Variants in SPAG16 observed in about 807,000 individuals in gnomAD.
SPAG16 encodes the protein sperm-associated antigen 16 protein.
A neutral mutation model predicts 80.4 loss-of-function variants in SPAG16; 86 were observed. The ratio of observed to expected loss-of-function variants is 1.07; its 90% CI spans 0.90 to 1.28. SPAG16 has a LOEUF of 1.28. Ranked by LOEUF, SPAG16 falls within the 50% of genes most tolerant of loss-of-function variation. The probability of loss-of-function intolerance (pLI) is 0.00; values close to 1 mark genes in which losing one functional copy is unlikely to be tolerated. For synonymous variants in SPAG16, 294 were observed against 265.9 expected, an observed-to-expected ratio of 1.11 and a Z score of -1.03; for missense variants, 870 against 765.3, an observed-to-expected ratio of 1.14 and a Z score of -1.61.
chr2:213,869,049 C>T (rs1446403240), intron 11 of SPAG16, among the ~76,000 whole-genome samples: 2 of 151,272 alleles, frequency 1.3e-5, no homozygotes, highest in Admixed American at 6.6e-5. Flanking sequence ...GTCAGGATTT[C>T]GAGACCAGCC....
intron 10 of SPAG16, among the ~76,000 whole-genome samples, chr2:213,512,276 C>A (rs1044641162): frequency 2.6e-5 from 4 of 152,056 alleles, no homozygotes; most frequent in African/African-American, 9.7e-5. Context: ...ACTGATTTTT[C>A]TGTAGTATGA....
intron 11 of SPAG16, among the ~76,000 whole-genome samples, chr2:213,885,310 C>T (rs538282360): frequency 1.1e-4 from 17 of 152,266 alleles, no homozygotes; most frequent in African/African-American, 3.6e-4. Context: ...TATGGTTATA[C>T]TCAACTGCAT....
intron 10 of SPAG16, among the ~76,000 whole-genome samples, chr2:213,701,459 C>T (rs1466444784): frequency 3.3e-5 from 5 of 152,116 alleles, no homozygotes; most frequent in South Asian, 2.1e-4. Context: ...TCTGGCCACG[C>T]TTGAGGAGTC....
chr2:213,645,614 G>A (rs1186515924), intron 10 of SPAG16, among the ~76,000 whole-genome samples: 5 of 152,042 alleles, frequency 3.3e-5, no homozygotes, highest in African/African-American at 4.8e-5. Context: ...GTCTGACCTG[G>A]TATCCAAGAG....
intron 10 of SPAG16, among the ~76,000 whole-genome samples, chr2:213,572,676 T>G (rs1414605264): frequency 6.6e-6 from 1 of 152,024 alleles, no homozygotes; most frequent in Non-Finnish European, 1.5e-5. Flanking sequence ...CTGCAGAGGT[T>G]ACTGCTGTCT....
At chr2:213,506,150 T>G (rs1007455659) in intron 10 of SPAG16, among the ~76,000 whole-genome samples, 1 of 152,050 alleles carries the variant, frequency 6.6e-6, no homozygotes, top group Non-Finnish European at 1.5e-5. Flanking sequence ...TTAAACTAAG[T>G]CTATTAAACT....
intron 11 of SPAG16, among the ~76,000 whole-genome samples, chr2:213,904,274 G>A (rs1221238664): frequency 6.6e-6 from 1 of 152,108 alleles, no homozygotes; most frequent in African/African-American, 2.4e-5. Flanking sequence ...AGACTGGGAA[G>A]AAAAAGAGGT....
intron 13 of SPAG16, among the ~76,000 whole-genome samples, chr2:214,078,301 C>T (rs2125251676): frequency 6.6e-6 from 1 of 151,988 alleles, no homozygotes; most frequent in Middle Eastern, 3.4e-3. Flanking sequence ...ACCTGTAATC[C>T]CAGCACTTTG....
At chr2:213,443,651 C>T (rs889889334) in intron 9 of SPAG16, among the ~76,000 whole-genome samples, 1 of 152,134 alleles carries the variant, frequency 6.6e-6, no homozygotes, top group East Asian at 1.9e-4. Context: ...GATTTCATTA[C>T]CTTTGGGCAT....
intron 15 of SPAG16, among the ~76,000 whole-genome samples, chr2:214,164,586 C>A (rs969546933): frequency 6.6e-6 from 1 of 152,070 alleles, no homozygotes; most frequent in Non-Finnish European, 1.5e-5. Context: ...GTGGCACCAA[C>A]GCTGGTCTTT....
rs2071735435 is a variant in SPAG16 at position 213,452,131 on chromosome 2, T to C, written c.943-37832T>C. 3.9e-5 allele frequency among the ~76,000 whole-genome samples: 6 copies of C among 152,300 alleles called. No individual in the cohort carries two copies. In the South Asian group the frequency reaches 1.2e-3, roughly 32 times the overall value. ...GCTCTGTGCCCAAGTTGCTTGTCTGTGTTTTTCAGCCTGATCTTCCAGGCT... is the reference window on the plus strand; with the variant it reads ...GCTCTGTGCCCAAGTTGCTTGTCTGCGTTTTTCAGCCTGATCTTCCAGGCT... On this transcript the variant is annotated intron_variant, in intron 9 of 15. Coordinates refer to ENST00000331683, the MANE Select transcript of SPAG16 (RefSeq NM_024532.5).
At chr2:213,915,913 T>C (rs1218813367) in intron 11 of SPAG16, among the ~76,000 whole-genome samples, 1 of 152,226 alleles carries the variant, frequency 6.6e-6, no homozygotes, top group Non-Finnish European at 1.5e-5. Context: ...TGCATAAATA[T>C]CTTCTTTTGA....
chr2:214,281,876 A>C (rs1692966655), intron 15 of SPAG16, among the ~76,000 whole-genome samples: 1 of 152,226 alleles, frequency 6.6e-6, no homozygotes, highest in African/African-American at 2.4e-5. Context: ...TCTAGAAATA[A>C]TGATACTGAG....
intron 10 of SPAG16, among the ~76,000 whole-genome samples, chr2:213,641,765 A>T (rs895268179): frequency 2.0e-5 from 3 of 152,216 alleles, no homozygotes; most frequent in Non-Finnish European, 4.4e-5. Flanking sequence ...TGCTATAAAG[A>T]TACTACCTGA....
chr2:213,976,530 G>A (rs994193628), intron 12 of SPAG16, among the ~76,000 whole-genome samples: 3 of 151,968 alleles, frequency 2.0e-5, no homozygotes, highest in South Asian at 2.1e-4. Flanking sequence ...CTATAAAATA[G>A]GGATATTAAC....
At chr2:213,559,737 G>T (rs549742130) in intron 10 of SPAG16, among the ~76,000 whole-genome samples, 3 of 151,882 alleles carry the variant, frequency 2.0e-5, no homozygotes, top group South Asian at 4.2e-4. Context: ...ATAGTTTAAG[G>T]TTTCATAGAG....
intron 10 of SPAG16, among the ~76,000 whole-genome samples, chr2:213,579,432 A>G: frequency 6.6e-6 from 1 of 152,104 alleles, no homozygotes; most frequent in East Asian, 1.9e-4. Flanking sequence ...ATATACTTTG[A>G]TATTGGTCTT....
chr2:213,442,835 T>C (rs12622100), intron 9 of SPAG16, among the ~76,000 whole-genome samples: 40,186 of 151,976 alleles, frequency 0.26, 6,159 homozygotes, highest in Middle Eastern at 0.44. Flanking sequence ...AAAATCTAGA[T>C]TACCTTGGAT....
intron 5 of SPAG16, among the ~76,000 whole-genome samples, chr2:213,322,576 T>A (rs1018047021): frequency 6.6e-6 from 1 of 152,182 alleles, no homozygotes; most frequent in Non-Finnish European, 1.5e-5. Flanking sequence ...CTGCCCCTCC[T>A]TCTACCTTAG....
Sources: allele counts gnomAD v4.1 joint callset (sites outside exome capture counted in the v4.1 genomes callset), GRCh38; gene constraint gnomAD v4.1.1; transcripts MANE v1.5; gene names NCBI Gene and HGNC (gene_info 2026-07-23, HGNC 2026-07-21).